The following PRTFDC1 variants were observed in gnomAD, a reference collection of about 807,000 sequenced individuals.
The protein encoded by PRTFDC1 is phosphoribosyl transferase domain containing 1, also known as phosphoribosyltransferase domain-containing protein 1.
PRTFDC1 carries 38 observed loss-of-function variants against 34.6 expected under a neutral mutation model. The observed-to-expected ratio is 1.10, with a 90% CI of 0.85 to 1.44. The LOEUF is 1.44. PRTFDC1 is among the 40% of genes most tolerant of loss of function. The pLI is 0.00. For missense variants in PRTFDC1, 270 were observed against 283.0 expected (o/e 0.95, Z 0.33); for synonymous variants, 93 against 98.1 (o/e 0.95, Z 0.31).
At chr10:24,913,996 A>G (rs1272493852) in intron 3 of PRTFDC1, among the ~76,000 whole-genome samples, 1 of 152,222 alleles carries the variant, frequency 6.6e-6, no homozygotes, top group Non-Finnish European at 1.5e-5. Flanking sequence ...GTACATTGAT[A>G]AACTGAATGA....
intron 2 of PRTFDC1, among the ~76,000 whole-genome samples, chr10:24,938,361 A>C (rs1264386133): frequency 3.3e-5 from 5 of 152,224 alleles, no homozygotes; most frequent in Admixed American, 3.3e-4. Flanking sequence ...AATCAACCAA[A>C]GGCATACAAC....
intron 2 of PRTFDC1, among the ~76,000 whole-genome samples, chr10:24,939,301 C>CAAAAAA: frequency 2.2e-5 from 2 of 89,788 alleles, no homozygotes; most frequent in Non-Finnish European, 4.5e-5. Context: ...AACTCTGACT[C>CAAAAAA]AAAAAAAAAA....
chr10:24,862,174 T>G (rs1847690083), intron 4 of PRTFDC1, among the ~76,000 whole-genome samples: 1 of 152,156 alleles, frequency 6.6e-6, no homozygotes, highest in African/African-American at 2.4e-5. Flanking sequence ...TTATTATGTA[T>G]AGCCAAACTA....
At chr10:24,905,315 GA>G (rs1407254650) in intron 3 of PRTFDC1, among the ~76,000 whole-genome samples, 18 of 113,912 alleles carry the variant, frequency 1.6e-4, no homozygotes, top group African/African-American at 5.3e-4. Context: ...CCTGTCTCAA[GA>G]ATTTTTTTTT....
intron 1 of PRTFDC1, among the ~76,000 whole-genome samples, chr10:24,950,951 A>T (rs1378417851): frequency 6.6e-6 from 1 of 152,194 alleles, no homozygotes; most frequent in African/African-American, 2.4e-5. Context: ...CCTTACAGGC[A>T]CTACAAACTC....
intron 4 of PRTFDC1, chr10:24,867,791 T>A (rs1383214787): frequency 6.6e-6 from 1 of 151,386 alleles, no homozygotes; most frequent in Non-Finnish European, 1.5e-5. Flanking sequence ...TGGTGGGGTT[T>A]TTGTAGGTTT....
chr10:24,906,921 C>T (rs532935059), intron 3 of PRTFDC1, among the ~76,000 whole-genome samples: 4 of 152,222 alleles, frequency 2.6e-5, no homozygotes, highest in Non-Finnish European at 2.9e-5. Flanking sequence ...ACTGTTAGTT[C>T]GTCTTTCTTT....
intron 3 of PRTFDC1, among the ~76,000 whole-genome samples, 183 bp downstream of exon 3, chr10:24,937,001 C>T (rs145398746): frequency 3.9e-5 from 6 of 152,288 alleles, no homozygotes; most frequent in Non-Finnish European, 4.4e-5. Flanking sequence ...CCCCACCCCA[C>T]GCCCTAAATA....
At chr10:24,938,181 G>A (rs1849085671) in intron 2 of PRTFDC1, among the ~76,000 whole-genome samples, 1 of 151,300 alleles carries the variant, frequency 6.6e-6, no homozygotes, top group Non-Finnish European at 1.5e-5. Flanking sequence ...ATCTGAGATT[G>A]CACCACTGTA....
chr10:24,849,697 G>C lies in PRTFDC1; in HGVS notation c.*147C>G. On this transcript the variant is annotated 3_prime_UTR_variant, in exon 9 of 9. Coordinates refer to ENST00000320152, the MANE Select transcript of PRTFDC1 (RefSeq NM_020200.7). ...TTTGATACTCTTTATATTAACCTCAGAAAAGAAAGCTCTCTCATTTGAACA... is the reference window on the plus strand; with the variant it reads ...TTTGATACTCTTTATATTAACCTCACAAAAGAAAGCTCTCTCATTTGAACA... The C allele has an allele frequency of 1.5e-6, 1 of 678,532 alleles. No homozygotes were observed. The highest frequency in any genetic ancestry group is 2.6e-6 in the Non-Finnish European group (1 of 391,084). The allele number at this position is 678,532 out of a possible 1,614,324, so 42.0% of individuals were successfully genotyped here.
intron 3 of PRTFDC1, chr10:24,908,448 A>G: frequency 1.9e-6 from 3 of 1,563,406 alleles, no homozygotes; most frequent in Non-Finnish European, 2.6e-6. Flanking sequence ...GGGCTTGAAG[A>G]CAGTGAGCCC....
At chr10:24,951,331 C>G (rs1316681767) in intron 1 of PRTFDC1, among the ~76,000 whole-genome samples, 1 of 152,134 alleles carries the variant, frequency 6.6e-6, no homozygotes, top group Admixed American at 6.5e-5. Flanking sequence ...TATGTCTTCT[C>G]TAGAACGCAA....
chr10:24,944,182 G>A (rs910864399), intron 1 of PRTFDC1, among the ~76,000 whole-genome samples: 1 of 152,040 alleles, frequency 6.6e-6, no homozygotes, highest in African/African-American at 2.4e-5. Context: ...CCAAATTCCT[G>A]GTGCCCCTTG....
chr10:24,898,071 G>T (rs1456231550), intron 3 of PRTFDC1, among the ~76,000 whole-genome samples: 1 of 151,842 alleles, frequency 6.6e-6, no homozygotes, highest in Non-Finnish European at 1.5e-5. Flanking sequence ...ACTTTTTTTT[G>T]ATAAGTGTCC....
intron 5 of PRTFDC1, among the ~76,000 whole-genome samples, chr10:24,857,330 T>G (rs1461422445): frequency 1.3e-5 from 2 of 152,178 alleles, no homozygotes. Context: ...GGCCCTGAGT[T>G]TATGTAACAC....
intron 3 of PRTFDC1, among the ~76,000 whole-genome samples, chr10:24,898,286 C>CAAAA (rs34691185): frequency 0.011 from 794 of 75,138 alleles, 6 homozygotes; most frequent in Middle Eastern, 0.015. Flanking sequence ...CCCGTCTCTA[C>CAAAA]AAAAAAAAAA....
chr10:24,881,193 A>G lies in PRTFDC1; in HGVS notation c.340-9130T>C, dbSNP rs1043794905. ...AGCGATCTCCCACTTCAGCCCCCCA[A>G]GTAGCTGGGACTACAGATGTGCACC... On this transcript the variant is annotated intron_variant, in intron 3 of 8. Coordinates refer to ENST00000320152, the MANE Select transcript of PRTFDC1 (RefSeq NM_020200.7). Among the ~76,000 whole-genome samples the G allele has an allele frequency of 2.6e-5, 4 of 151,774 alleles. 1 individual carries two copies. Among genetic ancestry groups the G allele is most frequent in the African/African-American group, 2.4e-5 (1 of 41,428 alleles).
At position 24,929,383 on chromosome 10, in the gene PRTFDC1, C is replaced by G. The variant is rs558503276; in HGVS notation, c.339+7801G>C. Among the ~76,000 whole-genome samples, 452 of 152,248 alleles carry G rather than the reference C, an allele frequency of 3.0e-3. 9 individuals carry two copies. Among genetic ancestry groups the G allele is most frequent in the Middle Eastern group, 0.02 (6 of 294 alleles). ...CGCCAGCTTCCCCAGGGGCCCACAT[C>G]CCCTGTGTGGCAAATCTCTCGGCCC... is the stretch of plus-strand genomic sequence containing the variant. On this transcript the variant is annotated intron_variant, in intron 3 of 8. Transcript: ENST00000320152.
intron 1 of PRTFDC1, among the ~76,000 whole-genome samples, chr10:24,944,092 T>C (rs1849214505): frequency 6.6e-6 from 1 of 152,108 alleles, no homozygotes; most frequent in East Asian, 1.9e-4. Context: ...TACCTCTGTA[T>C]TCCGAACTCA....
Sources: gnomAD v4.1 joint callset for allele counts (sites outside exome capture counted in the v4.1 genomes callset) on GRCh38, gnomAD v4.1.1 for gene constraint, MANE v1.5 for transcripts, NCBI Gene and HGNC (gene_info 2026-07-23, HGNC 2026-07-21) for gene names.